Variants in SH3RF3 observed in about 807,000 individuals in gnomAD.
SH3RF3 encodes E3 ubiquitin-protein ligase SH3RF3.
Under a neutral mutation model 66.3 loss-of-function variants are expected in SH3RF3, and 29 were observed. That is an observed-to-expected ratio of 0.44 (90% CI 0.33 to 0.60). SH3RF3 has a LOEUF of 0.60. Ranked by LOEUF, SH3RF3 falls within the 20% of genes least tolerant of loss-of-function variation. The pLI is 0.04. For missense variants in SH3RF3, 1,194 were observed against 1,190.9 expected, an observed-to-expected ratio of 1.00 and a Z score of -0.04; for synonymous variants, 583 against 532.0, an observed-to-expected ratio of 1.10 and a Z score of -1.32.
intron 8 of SH3RF3, among the ~76,000 whole-genome samples, chr2:109,469,264 T>G (rs1481339948): frequency 3.9e-5 from 6 of 152,230 alleles, no homozygotes; most frequent in Non-Finnish European, 7.3e-5. Context: ...GGGAAGGGCC[T>G]GGATCTAACA....
At chr2:109,210,687 C>T (rs1456387355) in intron 1 of SH3RF3, among the ~76,000 whole-genome samples, 1 of 152,066 alleles carries the variant, frequency 6.6e-6, no homozygotes, top group Non-Finnish European at 1.5e-5. Flanking sequence ...GTGGGAGGCC[C>T]AGGAAGGAGG....
chr2:109,381,788 T>A (rs575576915), intron 3 of SH3RF3, among the ~76,000 whole-genome samples: 3 of 152,084 alleles, frequency 2.0e-5, no homozygotes, highest in Non-Finnish European at 4.4e-5. Flanking sequence ...GAAGGGCAGT[T>A]GGATTTTATG....
chr2:109,287,167 A>T (rs1265846809), intron 1 of SH3RF3, among the ~76,000 whole-genome samples: 1 of 152,174 alleles, frequency 6.6e-6, no homozygotes, highest in African/African-American at 2.4e-5. Context: ...CCCAGTGATT[A>T]TATGCCACAG....
At chr2:109,400,602 T>C (rs975406372) in intron 4 of SH3RF3, among the ~76,000 whole-genome samples, 8 of 151,212 alleles carry the variant, frequency 5.3e-5, no homozygotes, top group Non-Finnish European at 1.2e-4. Flanking sequence ...TGTGAACTTA[T>C]ATGCGTCCCT....
intron 1 of SH3RF3, among the ~76,000 whole-genome samples, chr2:109,343,793 G>A (rs1395008705): frequency 6.6e-6 from 1 of 151,202 alleles, no homozygotes; most frequent in Non-Finnish European, 1.5e-5. Context: ...CACCTAGGCT[G>A]GAGTGCAGTG....
chr2:109,228,319 T>C (rs1463466397), intron 1 of SH3RF3, among the ~76,000 whole-genome samples: 1 of 152,214 alleles, frequency 6.6e-6, no homozygotes, highest in East Asian at 1.9e-4. Context: ...AAATGTGTTG[T>C]AGACAGCATC....
intron 4 of SH3RF3, among the ~76,000 whole-genome samples, chr2:109,411,120 G>A (rs1676576306): frequency 1.3e-5 from 2 of 152,230 alleles, no homozygotes; most frequent in African/African-American, 4.8e-5. Flanking sequence ...GGTTGGAGCT[G>A]GAGGCAAGGA....
chr2:109,219,493 T>G (rs570973967), intron 1 of SH3RF3, among the ~76,000 whole-genome samples: 1 of 151,486 alleles, frequency 6.6e-6, no homozygotes, highest in Non-Finnish European at 1.5e-5. Context: ...GCTTCCAAAT[T>G]GGAAAAAAAA....
intron 1 of SH3RF3, among the ~76,000 whole-genome samples, chr2:109,154,019 G>T (rs190263092): frequency 2.6e-5 from 4 of 152,350 alleles, no homozygotes; most frequent in African/African-American, 9.6e-5. Context: ...AGTGATTCTG[G>T]TTGGTGGACA....
intron 1 of SH3RF3, among the ~76,000 whole-genome samples, chr2:109,247,498 C>T (rs1184697391): frequency 6.6e-6 from 1 of 152,204 alleles, no homozygotes. Context: ...CATTATTCTT[C>T]CCACCTTAAG....
intron 1 of SH3RF3, among the ~76,000 whole-genome samples, chr2:109,163,621 G>C (rs1039696390): frequency 6.6e-6 from 1 of 151,612 alleles, no homozygotes; most frequent in East Asian, 2.0e-4. Context: ...GGATGGTCTC[G>C]ATCTCCTGAC....
intron 4 of SH3RF3, among the ~76,000 whole-genome samples, chr2:109,413,118 A>T (rs895337985): frequency 6.6e-6 from 1 of 152,072 alleles, no homozygotes; most frequent in East Asian, 1.9e-4. Flanking sequence ...TCATTATTTT[A>T]TATATATATT....
At chr2:109,491,367 C>G (rs755611957) in intron 9 of SH3RF3, among the ~76,000 whole-genome samples, 1 of 152,192 alleles carries the variant, frequency 6.6e-6, no homozygotes, top group Non-Finnish European at 1.5e-5. Context: ...CACTCGGCGT[C>G]TTAGAATTGT....
chr2:109,129,413 A>T lies in SH3RF3; in HGVS notation c.-128A>T. On this transcript the variant is annotated 5_prime_UTR_variant, in exon 1 of 10. Coordinates refer to ENST00000309415, the MANE Select transcript of SH3RF3 (RefSeq NM_001099289.3). ...ACCGCCACAGCCCTAGCATCGGGCCACCAGCCGGGGTGAAGAAAGTCACGG... is the reference window on the plus strand; with the variant it reads ...ACCGCCACAGCCCTAGCATCGGGCCTCCAGCCGGGGTGAAGAAAGTCACGG... 6.9e-7 allele frequency: 1 copy of T among 1,450,534 alleles called. No individual in the cohort carries two copies. The highest frequency in any genetic ancestry group is 9.2e-7 in the Non-Finnish European group (1 of 1,086,772). 89.9% of individuals were successfully genotyped at this position (1,450,534 alleles called of 1,614,324 possible).
At chr2:109,478,062 G>A (rs540140090) in intron 8 of SH3RF3, among the ~76,000 whole-genome samples, 7 of 152,352 alleles carry the variant, frequency 4.6e-5, no homozygotes, top group African/African-American at 1.7e-4. Context: ...GGAGGTCCCT[G>A]AGTGTCCCAT....
In SH3RF3 at chr2:109,347,864, C is replaced by T; in HGVS notation, c.764C>T (p.Pro255Leu). The T allele has an allele frequency of 6.2e-7, 1 of 1,613,552 alleles. No individual in the cohort carries two copies. The highest frequency in any genetic ancestry group is 8.5e-7 in the Non-Finnish European group (1 of 1,179,738). ...TATATCCAGTGCATCCAGCCCTTGC[C>T]ACACGCCCCGCCCCAGGGAAAAGCA... ...ASYIQCIQPL[P>L]HAPPQGKALY... Residue 255 changes from proline (P) to leucine (L), a missense_variant, in exon 2 of 10, where the codon CCA (proline) becomes CTA (leucine). Physicochemically the swap from Pro to Leu is moderately conservative, Grantham distance 98. Transcript: ENST00000309415.
chr2:109,241,691 T>A (rs1315487273), intron 1 of SH3RF3, among the ~76,000 whole-genome samples: 1 of 152,074 alleles, frequency 6.6e-6, no homozygotes, highest in African/African-American at 2.4e-5. Context: ...CCCCAGTCCC[T>A]GCAGTCCCTC....
chr2:109,490,397 C>T (rs1417427071), intron 8 of SH3RF3, among the ~76,000 whole-genome samples: 3 of 152,178 alleles, frequency 2.0e-5, no homozygotes, highest in Non-Finnish European at 2.9e-5. Flanking sequence ...ACTGGTTCAC[C>T]CGTGGGAACT....
In SH3RF3 at chr2:109,249,509, C is replaced by CTTTCTT. The variant is rs774852951; in HGVS notation, c.574-98165_574-98164insTTTCTT. The stretch of plus-strand genomic sequence containing the variant: ...TCTTTCTTTCTTTCTTTCTTTCTTT[C>CTTTCTT]ATTCTTTCTTTTTCTTTCTTTCTTT... On this transcript the variant is annotated intron_variant, in intron 1 of 9. Transcript: ENST00000309415. Among the ~76,000 whole-genome samples the CTTTCTT allele has an allele frequency of 4.5e-5, 3 of 66,394 alleles. 1 individual carries two copies. The South Asian group carries it at 1.6e-3, about 35-fold the overall frequency. 43.6% of individuals were successfully genotyped at this position (66,394 alleles called of 152,430 possible).
Sources: allele counts gnomAD v4.1 joint callset (sites outside exome capture counted in the v4.1 genomes callset), GRCh38; gene constraint gnomAD v4.1.1; transcripts MANE v1.5; gene names NCBI Gene and HGNC (gene_info 2026-07-23, HGNC 2026-07-21).